Variants in DENND1A observed in about 807,000 individuals in gnomAD.
DENND1A encodes DENN domain containing 1A, also known as DENN domain-containing protein 1A.
DENND1A carries 51 observed loss-of-function variants against 113.7 expected under a neutral mutation model. That is an observed-to-expected ratio of 0.45 (90% CI 0.36 to 0.57). The LOEUF is 0.57. DENND1A is among the 20% of genes least tolerant of loss of function. The probability of loss-of-function intolerance (pLI) is 0.00; values close to 1 mark genes in which losing one functional copy is unlikely to be tolerated. For missense variants in DENND1A, 1,258 were observed against 1,395.9 expected (o/e 0.90, Z 1.57); for synonymous variants, 565 against 570.8 (o/e 0.99, Z 0.14).
chr9:123,871,693 A>G (rs1846640263), intron 2 of DENND1A, among the ~76,000 whole-genome samples: 2 of 151,812 alleles, frequency 1.3e-5, no homozygotes, highest in Non-Finnish European at 2.9e-5. Context: ...TGTCTTAGGC[A>G]TGCCTTTCAG....
chr9:123,571,161 C>T (rs1320112801), intron 12 of DENND1A, among the ~76,000 whole-genome samples: 6 of 152,054 alleles, frequency 3.9e-5, no homozygotes, highest in African/African-American at 7.2e-5. Context: ...AGCACAAAGC[C>T]GAGCCATCCT....
In DENND1A at chr9:123,446,555, G is replaced by T. The variant is rs568392398; in HGVS notation, c.1356+4138C>A. On this transcript the variant is annotated intron_variant, in intron 18 of 23. Transcript: ENST00000394215. ...CAACAAGCTCGATTTGTCTTTTAAA[G>T]ATCAAAGATTTGTAATCCCAGCACT... Among the ~76,000 whole-genome samples, 4 of 150,892 alleles carry T rather than the reference G, an allele frequency of 2.7e-5. 1 individual carries two copies. In the South Asian group the frequency reaches 8.3e-4, roughly 31 times the overall value.
chr9:123,416,773 G>T (rs894154869), intron 19 of DENND1A, among the ~76,000 whole-genome samples: 1 of 152,210 alleles, frequency 6.6e-6, no homozygotes, highest in Non-Finnish European at 1.5e-5. Context: ...ATCTGGAGGG[G>T]AAGCAGATGG....
chr9:123,919,389 T>C (rs970872140), intron 1 of DENND1A, among the ~76,000 whole-genome samples: 6 of 151,090 alleles, frequency 4.0e-5, no homozygotes, highest in Admixed American at 2.6e-4. Flanking sequence ...GGAGAATCGC[T>C]TGAACCCAGG....
chr9:123,403,235 C>T (rs142250456), intron 21 of DENND1A, among the ~76,000 whole-genome samples, 167 bp downstream of exon 21: 7 of 152,330 alleles, frequency 4.6e-5, no homozygotes, highest in African/African-American at 1.2e-4. Flanking sequence ...ACAACCAGAC[C>T]GAGTAAAAGA....
intron 5 of DENND1A, among the ~76,000 whole-genome samples, chr9:123,752,147 C>T (rs1412414148): frequency 1.3e-5 from 2 of 151,530 alleles, no homozygotes; most frequent in African/African-American, 4.9e-5. Flanking sequence ...TTTTGTACTA[C>T]CAAGTTCAGA....
intron 21 of DENND1A, among the ~76,000 whole-genome samples, chr9:123,396,156 G>A (rs766057340): frequency 3.3e-5 from 5 of 152,152 alleles, no homozygotes; most frequent in South Asian, 2.1e-4. Context: ...GGGAGGCCAC[G>A]CGCTCTGCTC....
At chr9:123,497,617 C>T (rs1416359768) in intron 13 of DENND1A, among the ~76,000 whole-genome samples, 13 of 152,136 alleles carry the variant, frequency 8.5e-5, no homozygotes, top group Admixed American at 8.5e-4. Flanking sequence ...AGTCACTGTG[C>T]CTGGCCATTT....
At position 123,433,647 on chromosome 9, in the gene DENND1A, GCTTTTTT is replaced by G. The variant is rs376371753; in HGVS notation, c.1488+6706_1488+6712del. ...CAACTTTCCCAAGAATGTCTTTAAA[GCTTTTTT>G]CTTTTTTCTTTTTTTTAAAAAAACA... On this transcript the variant is annotated intron_variant, in intron 19 of 23. Transcript: ENST00000394215. Among the ~76,000 whole-genome samples, 720 of 152,182 alleles carry G rather than the reference GCTTTTTT, an allele frequency of 4.7e-3. 4 individuals carry two copies. Among genetic ancestry groups the G allele is most frequent in the African/African-American group, 0.016 (666 of 41,494 alleles).
intron 1 of DENND1A, among the ~76,000 whole-genome samples, chr9:123,910,372 C>G (rs76434182): frequency 3.3e-5 from 5 of 152,048 alleles, no homozygotes; most frequent in African/African-American, 1.2e-4. Flanking sequence ...GGAAAAGAAT[C>G]GTCTTGATAA....
intron 1 of DENND1A, among the ~76,000 whole-genome samples, chr9:123,911,667 G>A (rs944421299): frequency 6.6e-6 from 1 of 151,954 alleles, no homozygotes; most frequent in Admixed American, 6.6e-5. Context: ...AATTGCTACA[G>A]TGACAGAAAT....
chr9:123,873,869 A>C (rs1847034639), intron 2 of DENND1A, among the ~76,000 whole-genome samples: 1 of 151,922 alleles, frequency 6.6e-6, no homozygotes, highest in Non-Finnish European at 1.5e-5. Context: ...CAGCCACCCG[A>C]GCAGCTGGGA....
At chr9:123,891,704 T>C (rs1216905656) in intron 1 of DENND1A, among the ~76,000 whole-genome samples, 1 of 152,174 alleles carries the variant, frequency 6.6e-6, no homozygotes, top group Non-Finnish European at 1.5e-5. Context: ...AAAATTTAAA[T>C]AAGTATATAA....
intron 11 of DENND1A, among the ~76,000 whole-genome samples, chr9:123,600,826 A>G (rs982677624): frequency 1.4e-5 from 2 of 144,922 alleles, no homozygotes; most frequent in Admixed American, 6.8e-5. Flanking sequence ...GCAAGACTCC[A>G]TCATAAAAAA....
At chr9:123,497,154 C>T (rs887284972) in intron 13 of DENND1A, among the ~76,000 whole-genome samples, 7 of 152,170 alleles carry the variant, frequency 4.6e-5, no homozygotes, top group African/African-American at 1.7e-4. Context: ...GCACGGACCA[C>T]GTGGTGTTGG....
Position 123,529,499 on chromosome 9 carries a change from A to G in DENND1A, c.993+28071T>C, listed in dbSNP as rs139633240. Among the ~76,000 whole-genome samples the G allele has an allele frequency of 3.3e-4, 51 of 152,336 alleles. 1 individual carries two copies. The highest frequency in any genetic ancestry group is 1.2e-3 in the African/African-American group (48 of 41,570). ...CATCTGCCCAATAAAATAAAACCAAAATTCTGCTACCGAGAAGAGACAAGT... is the reference window on the plus strand; with the variant it reads ...CATCTGCCCAATAAAATAAAACCAAGATTCTGCTACCGAGAAGAGACAAGT... On this transcript the variant is annotated intron_variant, in intron 13 of 23. Transcript: ENST00000394215.
intron 19 of DENND1A, among the ~76,000 whole-genome samples, chr9:123,431,886 TG>T (rs1195753458): frequency 6.6e-6 from 1 of 152,174 alleles, no homozygotes; most frequent in African/African-American, 2.4e-5. Flanking sequence ...GAAGGAGGGA[TG>T]GTCTGGACGG....
At chr9:123,530,427 A>C (rs1301870634) in intron 13 of DENND1A, among the ~76,000 whole-genome samples, 1 of 152,220 alleles carries the variant, frequency 6.6e-6, no homozygotes, top group Non-Finnish European at 1.5e-5. Flanking sequence ...ATAATTGTCA[A>C]TGTACCGTTT....
intron 13 of DENND1A, among the ~76,000 whole-genome samples, chr9:123,540,043 CATG>C (rs2056170031): frequency 6.6e-6 from 1 of 152,148 alleles, no homozygotes; most frequent in South Asian, 2.1e-4. Context: ...ACAGTGTCAG[CATG>C]ATGAGGATTA....
Sources: allele counts gnomAD v4.1 joint callset (sites outside exome capture counted in the v4.1 genomes callset), GRCh38; gene constraint gnomAD v4.1.1; transcripts MANE v1.5; gene names NCBI Gene and HGNC (gene_info 2026-07-23, HGNC 2026-07-21).